SPOCK1: variants seen among roughly 807,000 people sequenced by gnomAD.
SPOCK1 encodes the protein testican-1.
Under a neutral mutation model 55.3 loss-of-function variants are expected in SPOCK1, and 23 were observed. That is an observed-to-expected ratio of 0.42 (90% CI 0.30 to 0.59). The LOEUF (loss-of-function observed/expected upper bound fraction) is 0.59, where lower values mean the gene tolerates loss of function less well. Ranked by LOEUF, SPOCK1 falls within the 20% of genes least tolerant of loss-of-function variation. The pLI, the probability that SPOCK1 is intolerant of heterozygous loss-of-function variation, is 0.22. For missense variants in SPOCK1, 499 were observed against 552.5 expected (o/e 0.90, Z 0.97); for synonymous variants, 226 against 221.0 (o/e 1.02, Z -0.20).
chr5:137,284,898 G>T (rs1338948796), intron 2 of SPOCK1, among the ~76,000 whole-genome samples: 1 of 151,930 alleles, frequency 6.6e-6, no homozygotes, highest in African/African-American at 2.4e-5. Context: ...TATGACACTG[G>T]ACCTCTGCAT....
intron 4 of SPOCK1, among the ~76,000 whole-genome samples, chr5:137,113,256 G>A (rs564114995): frequency 6.6e-5 from 10 of 152,192 alleles, no homozygotes; most frequent in South Asian, 4.2e-4. Flanking sequence ...TTACGTCCAC[G>A]GAAGGAACCC....
At chr5:137,388,763 C>T (rs1425234609) in intron 2 of SPOCK1, among the ~76,000 whole-genome samples, 1 of 152,156 alleles carries the variant, frequency 6.6e-6, no homozygotes, top group Non-Finnish European at 1.5e-5. Flanking sequence ...TTCTGTTCTG[C>T]AAAACACCGC....
At chr5:137,450,938 A>G (rs1003849088) in intron 2 of SPOCK1, among the ~76,000 whole-genome samples, 1 of 152,050 alleles carries the variant, frequency 6.6e-6, no homozygotes, top group Non-Finnish European at 1.5e-5. Flanking sequence ...ACTCCTCCAC[A>G]GCTCATCTTC....
chr5:136,986,436 A>G (rs769047744), intron 8 of SPOCK1, among the ~76,000 whole-genome samples: 13 of 152,186 alleles, frequency 8.5e-5, no homozygotes, highest in Non-Finnish European at 5.9e-5. Flanking sequence ...AATCACTACA[A>G]GTATTTACAC....
intron 2 of SPOCK1, among the ~76,000 whole-genome samples, chr5:137,452,444 C>T (rs1174036670): frequency 1.3e-5 from 2 of 152,102 alleles, no homozygotes. Context: ...TCTTTTTCCC[C>T]ATTTGCATTG....
At chr5:137,191,551 G>C (rs116409424) in intron 3 of SPOCK1, among the ~76,000 whole-genome samples, 3 of 152,100 alleles carry the variant, frequency 2.0e-5, no homozygotes, top group Admixed American at 1.3e-4. Context: ...CAAAACCTTC[G>C]CATGAATCAT....
In SPOCK1 at chr5:136,978,451, A is replaced by AAAC. The variant is rs1355167845; in HGVS notation, c.*200_*202dup. Reference sequence around the variant, plus strand: ...CAAAAAATAAACAACAACAAAAAAAAAACACAACACCCTTTCTCCCATACA... The same window carrying AAAC: ...CAAAAAATAAACAACAACAAAAAAAAAACAACACAACACCCTTTCTCCCATACA... On this transcript the variant is annotated 3_prime_UTR_variant, in exon 11 of 11. Coordinates refer to ENST00000394945, the MANE Select transcript of SPOCK1 (RefSeq NM_004598.4). 7 of 449,466 alleles carry AAAC rather than the reference A, an allele frequency of 1.6e-5. No homozygotes were observed. The Middle Eastern group carries it at 2.6e-3, about 164-fold the overall frequency. The allele number at this position is 449,466 out of a possible 1,614,324, so 27.8% of individuals were successfully genotyped here.
intron 4 of SPOCK1, among the ~76,000 whole-genome samples, chr5:137,116,681 AG>A (rs1474160257): frequency 6.6e-6 from 1 of 151,754 alleles, no homozygotes; most frequent in Admixed American, 6.6e-5. Flanking sequence ...CCTACCTCCT[AG>A]GGCATAGTCT....
chr5:137,383,923 C>G (rs1007018107), intron 2 of SPOCK1, among the ~76,000 whole-genome samples: 2 of 152,242 alleles, frequency 1.3e-5, no homozygotes, highest in Non-Finnish European at 2.9e-5. Flanking sequence ...ACCAAGGTCA[C>G]TGTTCTTTCA....
intron 3 of SPOCK1, among the ~76,000 whole-genome samples, chr5:137,181,201 T>C (rs1754963132): frequency 6.6e-6 from 1 of 152,000 alleles, no homozygotes; most frequent in African/African-American, 2.4e-5. Context: ...CAGGTAGCAA[T>C]GAGAAGCAGC....
intron 3 of SPOCK1, among the ~76,000 whole-genome samples, chr5:137,181,723 C>T (rs1170542899): frequency 4.6e-5 from 7 of 152,238 alleles, no homozygotes; most frequent in African/African-American, 1.7e-4. Flanking sequence ...TGTGTAAACT[C>T]CCAGGGCAAA....
intron 4 of SPOCK1, among the ~76,000 whole-genome samples, chr5:137,115,585 ATCACCTTTGAC>A (rs1245142955): frequency 6.6e-6 from 1 of 152,156 alleles, no homozygotes; most frequent in African/African-American, 2.4e-5. Context: ...CTCAGGTAAA[ATCACCTTTGAC>A]TTCTCCTAGG....
intron 5 of SPOCK1, among the ~76,000 whole-genome samples, chr5:137,081,508 A>G (rs1040760233): frequency 6.6e-6 from 1 of 152,198 alleles, no homozygotes; most frequent in African/African-American, 2.4e-5. Flanking sequence ...CCAACCATTC[A>G]GCCTGCTTTA....
intron 2 of SPOCK1, among the ~76,000 whole-genome samples, chr5:137,433,702 C>T (rs1752797683): frequency 6.6e-6 from 1 of 152,196 alleles, no homozygotes; most frequent in South Asian, 2.1e-4. Context: ...ATCATGCATG[C>T]TCCCAGATGG....
chr5:137,103,357 C>A (rs991353028), intron 5 of SPOCK1, among the ~76,000 whole-genome samples: 2 of 152,196 alleles, frequency 1.3e-5, no homozygotes, highest in Non-Finnish European at 2.9e-5. Context: ...AAACGACATT[C>A]CCCAGCCTCC....
At chr5:137,461,101 G>A (rs1753480685) in intron 2 of SPOCK1, among the ~76,000 whole-genome samples, 1 of 152,210 alleles carries the variant, frequency 6.6e-6, no homozygotes, top group South Asian at 2.1e-4. Context: ...AAACCCAGGA[G>A]AGCGGGGACC....
intron 3 of SPOCK1, among the ~76,000 whole-genome samples, chr5:137,160,548 TAATATATA>T (rs1754512926): frequency 2.8e-5 from 1 of 35,882 alleles, no homozygotes; most frequent in East Asian, 9.9e-4. Flanking sequence ...ATAATATATA[TAATATATA>T]TTATATATTA....
intron 2 of SPOCK1, among the ~76,000 whole-genome samples, chr5:137,413,129 C>T (rs1445003278): frequency 6.6e-6 from 1 of 152,198 alleles, no homozygotes; most frequent in Non-Finnish European, 1.5e-5. Flanking sequence ...ACTATTACCT[C>T]ATTTTAGAAA....
At chr5:137,323,031 G>T (rs967834345) in intron 2 of SPOCK1, among the ~76,000 whole-genome samples, 1 of 152,120 alleles carries the variant, frequency 6.6e-6, no homozygotes, top group Non-Finnish European at 1.5e-5. Flanking sequence ...TGCAATAACT[G>T]TTATTTCATT....
Sources: allele counts gnomAD v4.1 joint callset (sites outside exome capture counted in the v4.1 genomes callset), GRCh38; gene constraint gnomAD v4.1.1; transcripts MANE v1.5; gene names NCBI Gene and HGNC (gene_info 2026-07-23, HGNC 2026-07-21).